The following CAGE1 variants were observed in gnomAD, a reference collection of about 807,000 sequenced individuals.
The protein encoded by CAGE1 is cancer-associated gene 1 protein.
A neutral mutation model predicts 94.9 loss-of-function variants in CAGE1; 66 were observed. That is an observed-to-expected ratio of 0.70 (90% CI 0.57 to 0.85). The LOEUF is 0.85. Ranked by LOEUF, CAGE1 falls within the 40% of genes least tolerant of loss-of-function variation. The pLI, the probability that CAGE1 is intolerant of heterozygous loss-of-function variation, is 0.00. For synonymous variants in CAGE1, 319 were observed against 321.0 expected, an observed-to-expected ratio of 0.99 and a Z score of 0.07; for missense variants, 865 against 950.4, an observed-to-expected ratio of 0.91 and a Z score of 1.18.
At chr6:7,353,036 A>G (rs537700766) in intron 11 of CAGE1, among the ~76,000 whole-genome samples, 1 of 152,348 alleles carries the variant, frequency 6.6e-6, no homozygotes, top group East Asian at 1.9e-4. Flanking sequence ...AAAAACATAG[A>G]TAAATAGTTG....
At chr6:7,349,609 C>A (rs1221464641) in intron 11 of CAGE1, among the ~76,000 whole-genome samples, 1 of 152,102 alleles carries the variant, frequency 6.6e-6, no homozygotes, top group Non-Finnish European at 1.5e-5. Flanking sequence ...CTAAATGCCC[C>A]ACTTAAAAGA....
At chr6:7,343,400 C>T (rs1475534221) in intron 11 of CAGE1, among the ~76,000 whole-genome samples, 1 of 152,080 alleles carries the variant, frequency 6.6e-6, no homozygotes, top group Non-Finnish European at 1.5e-5. Context: ...AAAGAATGTT[C>T]AATCCAATCA....
intron 11 of CAGE1, among the ~76,000 whole-genome samples, chr6:7,346,271 C>A (rs1188412775): frequency 6.6e-6 from 1 of 152,146 alleles, no homozygotes; most frequent in Non-Finnish European, 1.5e-5. Context: ...AAAAGTAAAT[C>A]AGGGCGGGTG....
At chr6:7,384,479 G>A (rs1761045869) in intron 3 of CAGE1, among the ~76,000 whole-genome samples, 1 of 151,974 alleles carries the variant, frequency 6.6e-6, no homozygotes, top group African/African-American at 2.4e-5. Context: ...AACATGATCA[G>A]TGTAGGGCCC....
At chr6:7,345,353 C>G (rs201221249) in intron 11 of CAGE1, among the ~76,000 whole-genome samples, 1 of 140,182 alleles carries the variant, frequency 7.1e-6, no homozygotes, top group Non-Finnish European at 1.6e-5. Context: ...GAAAGAAACT[C>G]TGAACACATC....
At chr6:7,334,733 A>G (rs1758891741) in intron 11 of CAGE1, among the ~76,000 whole-genome samples, 1 of 151,256 alleles carries the variant, frequency 6.6e-6, no homozygotes. Context: ...CTCAAAAAAA[A>G]AAAAAAAAAG....
At chr6:7,344,353 G>A (rs1373361936) in intron 11 of CAGE1, among the ~76,000 whole-genome samples, 1 of 152,246 alleles carries the variant, frequency 6.6e-6, no homozygotes, top group East Asian at 1.9e-4. Context: ...GAGGGGTTTA[G>A]CACCCGGGCC....
chr6:7,346,527 C>T (rs1340939308), intron 11 of CAGE1, among the ~76,000 whole-genome samples: 9 of 151,920 alleles, frequency 5.9e-5, no homozygotes, highest in East Asian at 3.9e-4. Flanking sequence ...CCGGCCTGGG[C>T]GACAGAGCCA....
intron 11 of CAGE1, among the ~76,000 whole-genome samples, chr6:7,344,340 A>C (rs1010555547): frequency 2.0e-5 from 3 of 152,196 alleles, no homozygotes; most frequent in Non-Finnish European, 4.4e-5. Context: ...CAGCCCGGGC[A>C]ATGAGGGGTT....
intron 11 of CAGE1, among the ~76,000 whole-genome samples, chr6:7,340,576 A>G (rs1168376570): frequency 6.6e-6 from 1 of 152,208 alleles, no homozygotes; most frequent in Non-Finnish European, 1.5e-5. Context: ...TTTTGCATAT[A>G]TAATATCTAG....
At chr6:7,331,230 T>C in intron 12 of CAGE1, 2 of 444,080 alleles carry the variant, frequency 4.5e-6, no homozygotes, top group Non-Finnish European at 7.9e-6. Flanking sequence ...CACGGTAAGA[T>C]ACACAGAATT....
At chr6:7,345,056 G>A (rs1255067871) in intron 11 of CAGE1, among the ~76,000 whole-genome samples, 1 of 152,072 alleles carries the variant, frequency 6.6e-6, no homozygotes, top group Non-Finnish European at 1.5e-5. Context: ...GCGGCAGATG[G>A]CTGGTGTTGA....
In CAGE1 at chr6:7,389,253, A is replaced by G. The variant is rs942694806; in HGVS notation, c.-75T>C. On this transcript the variant is annotated 5_prime_UTR_variant, in exon 1 of 14. Coordinates refer to ENST00000502583, the MANE Select transcript of CAGE1 (RefSeq NM_001170692.2). ...ATTTTTCACCTCAAAACGAGACACC[A>G]AACTTTTTAAGACACAAAAGTGTGC... 1 of 456,278 alleles carries G rather than the reference A, an allele frequency of 2.2e-6. No homozygotes were observed. Among genetic ancestry groups the G allele is most frequent in the Non-Finnish European group, 4.4e-6 (1 of 226,954 alleles). The allele number at this position is 456,278 out of a possible 1,614,324, so 28.3% of individuals were successfully genotyped here. A position where few individuals can be genotyped will look rare whatever the true frequency, so the allele number is the denominator to read the frequency against.
At position 7,389,095 on chromosome 6, in the gene CAGE1, C is replaced by T. The variant is rs867808764; in HGVS notation, c.-24+107G>A. 26 of 340,734 alleles carry T rather than the reference C, an allele frequency of 7.6e-5. No homozygotes were observed. The Middle Eastern group carries it at 9.2e-3, about 121-fold the overall frequency. 21.1% of individuals were successfully genotyped at this position (340,734 alleles called of 1,614,324 possible). A position where few individuals can be genotyped will look rare whatever the true frequency, so the allele number is the denominator to read the frequency against. On this transcript the variant is annotated intron_variant, in intron 1 of 13. Coordinates refer to ENST00000502583, the MANE Select transcript of CAGE1 (RefSeq NM_001170692.2). The stretch of plus-strand genomic sequence containing the variant: ...AATGTTTGAATAGATGTTCCAGAGA[C>T]ATTCTAAAGCTGTTTTAAGATAGGA...
At chr6:7,376,169 C>T (rs1019477221) in intron 4 of CAGE1, among the ~76,000 whole-genome samples, 15 of 151,716 alleles carry the variant, frequency 9.9e-5, no homozygotes, top group African/African-American at 3.2e-4. Context: ...GCAGGTGGAT[C>T]GCAACGTCAG....
At chr6:7,386,652 T>C (rs921777527) in intron 2 of CAGE1, among the ~76,000 whole-genome samples, 3 of 152,194 alleles carry the variant, frequency 2.0e-5, no homozygotes, top group Admixed American at 6.5e-5. Context: ...AGTGGCGCGA[T>C]CTTGGCTCCC....
chr6:7,375,888 A>G (rs994119557), intron 4 of CAGE1, among the ~76,000 whole-genome samples: 2 of 152,174 alleles, frequency 1.3e-5, no homozygotes, highest in African/African-American at 4.8e-5. Flanking sequence ...GATAACTATC[A>G]TTACTGAGAC....
intron 9 of CAGE1, among the ~76,000 whole-genome samples, chr6:7,358,637 T>G (rs1334966265): frequency 6.6e-6 from 1 of 152,124 alleles, no homozygotes; most frequent in Non-Finnish European, 1.5e-5. Flanking sequence ...GCTCAGGAGT[T>G]TGAGGCTGGC....
chr6:7,367,580 T>C (rs548888981), intron 7 of CAGE1, among the ~76,000 whole-genome samples: 53 of 152,190 alleles, frequency 3.5e-4, no homozygotes, highest in African/African-American at 1.2e-3. Flanking sequence ...CAGCCTGAAA[T>C]TGTATTTTTG....
Sources: gnomAD v4.1 joint callset for allele counts (sites outside exome capture counted in the v4.1 genomes callset) on GRCh38, gnomAD v4.1.1 for gene constraint, MANE v1.5 for transcripts, NCBI Gene and HGNC (gene_info 2026-07-23, HGNC 2026-07-21) for gene names.